Variants in C3 observed in about 807,000 individuals in gnomAD.
C3 encodes the protein complement C3, also known as C3 and PZP-like alpha-2-macroglobulin domain-containing protein 1.
In C3, 97 loss-of-function variants were observed where a neutral mutation model predicts 207.9. The observed-to-expected ratio is 0.47, with a 90% CI of 0.40 to 0.55. The LOEUF is 0.55. Ranked by LOEUF, C3 falls within the 20% of genes least tolerant of loss-of-function variation. The pLI is 0.00. For synonymous variants in C3, 848 were observed against 857.6 expected, an observed-to-expected ratio of 0.99 and a Z score of 0.20; for missense variants, 1,684 against 2,171.7, an observed-to-expected ratio of 0.78 and a Z score of 4.46.
intron 26 of C3, among the ~76,000 whole-genome samples, chr19:6,691,410 C>T (rs406114): frequency 0.021 from 3,121 of 152,024 alleles, 94 homozygotes; most frequent in African/African-American, 0.071. Context: ...GACATCGCAG[C>T]GATAATGAAC....
chr19:6,711,277 G>T, intron 11 of C3, 81 bp from the exon 12 acceptor site: 1 of 1,188,526 alleles, frequency 8.4e-7, no homozygotes, highest in Non-Finnish European at 1.2e-6. Flanking sequence ...GGAATTGGTG[G>T]CCTTTCTTAA....
chr19:6,714,131 G>A (rs765050296), intron 6 of C3, 35 bp downstream of exon 6: 25 of 1,608,126 alleles, frequency 1.6e-5, no homozygotes, highest in East Asian at 4.5e-5. Context: ...CAGGCGTTCT[G>A]GGCACTGACT....
chr19:6,677,808 C>G lies in C3; in HGVS notation c.*74G>C, dbSNP rs1484278248. ...GAGGCGGCTGGGGATTTCAGCCTCT[C>G]CCTCTTGGCAAAGAACTCCAGACAC... is the stretch of plus-strand genomic sequence containing the variant. On this transcript the variant is annotated 3_prime_UTR_variant, in exon 41 of 41. Coordinates refer to ENST00000245907, the MANE Select transcript of C3 (RefSeq NM_000064.4). 2 of 1,585,816 alleles carry G rather than the reference C, an allele frequency of 1.3e-6. No homozygotes were observed. Among genetic ancestry groups the G allele is most frequent in the Non-Finnish European group, 8.6e-7 (1 of 1,159,670 alleles).
chr19:6,679,605 G>A, intron 36 of C3, 109 bp from the exon 37 acceptor site: 1 of 794,360 alleles, frequency 1.3e-6, no homozygotes, highest in Non-Finnish European at 2.3e-6. Context: ...GAGATGCTAG[G>A]TCTTCAACCC....
chr19:6,697,099 A>C (rs1967555697), intron 21 of C3, among the ~76,000 whole-genome samples: 1 of 151,050 alleles, frequency 6.6e-6, no homozygotes, highest in Non-Finnish European at 1.5e-5. Context: ...GAGTATAAAA[A>C]AATTATTGAT....
chr19:6,713,938 T>G, intron 7 of C3, 54 bp downstream of exon 7: 2 of 918,682 alleles, frequency 2.2e-6, no homozygotes, highest in Non-Finnish European at 3.2e-6. Context: ...CCCCACCTGG[T>G]CTTCACCTGG....
intron 25 of C3, 135 bp from the exon 26 acceptor site, chr19:6,693,218 A>T: frequency 8.4e-7 from 1 of 1,184,674 alleles, no homozygotes. Context: ...CCCAGGACCC[A>T]GCTGTTGTAT....
intron 6 of C3, 36 bp downstream of exon 6, chr19:6,714,130 T>C (rs373666348): frequency 6.2e-7 from 1 of 1,610,598 alleles, no homozygotes; most frequent in Non-Finnish European, 8.5e-7. Context: ...CCAGGCGTTC[T>C]GGGCACTGAC....
At chr19:6,707,721 GT>G (rs879795235) in intron 15 of C3, 78 bp downstream of exon 15, 8 of 1,598,936 alleles carry the variant, frequency 5.0e-6, no homozygotes, top group Non-Finnish European at 6.8e-6. Flanking sequence ...CAGGCCCCCG[GT>G]TTCCAGAGCT....
intron 19 of C3, among the ~76,000 whole-genome samples, chr19:6,699,647 CAAA>C (rs10596077): frequency 2.7e-5 from 4 of 147,472 alleles, no homozygotes; most frequent in Admixed American, 1.3e-4. Context: ...GCTCCTGTAT[CAAA>C]AAAAAAAAAG....
At position 6,679,434 on chromosome 19, in the gene C3, G is replaced by A. The variant is rs1455241589; in HGVS notation, c.4519C>T (p.Arg1507Cys). 4 of 1,613,790 alleles carry A rather than the reference G, an allele frequency of 2.5e-6. No homozygotes were observed. The highest frequency in any genetic ancestry group is 2.7e-5 in the African/African-American group (2 of 74,902). The change falls in exon 37 of 41, where the codon CGT becomes TGT. Residue 1507 changes from arginine (R) to cysteine (C), a missense_variant. Physicochemically the swap from Arg to Cys is radical, Grantham distance 180. This residue lies in a region of C3 where 346 missense variants were observed against 380.1 expected (regional missense o/e 0.91). Transcript: ENST00000245907. ...KEDGKLNKLC[R>C]DELCRCAEEN... is the part of the protein sequence containing the mutation. ...TCAGCACAGCGGCACAGTTCATCAC[G>A]GCAGAGCTTGTTCAGCTTTCCATCC...
chr19:6,719,138 A>C lies in C3; in HGVS notation c.267+73T>G, dbSNP rs1278356505. The C allele has an allele frequency of 5.1e-6, 6 of 1,178,148 alleles. No individual in the cohort carries two copies. In the African/African-American group the frequency reaches 7.5e-5, roughly 15 times the overall value. 73.0% of individuals were successfully genotyped at this position (1,178,148 alleles called of 1,614,324 possible). A position where few individuals can be genotyped will look rare whatever the true frequency, so the allele number is the denominator to read the frequency against. ...TTAGAAAGGGAGAAGACAGAAGGGG[A>C]GGGGCTCAGGAGGAGGGGGGGAGTG... is the stretch of plus-strand genomic sequence containing the variant. On this transcript the variant is annotated intron_variant, in intron 2 of 40. Transcript: ENST00000245907. This position sits in a 1 kb window ranked among gnomAD's most constrained non-coding sequence, Gnocchi z 5.4.
At chr19:6,685,380 TC>T (rs11569539) in intron 29 of C3, among the ~76,000 whole-genome samples, 2 of 151,986 alleles carry the variant, frequency 1.3e-5, no homozygotes, top group African/African-American at 4.8e-5. Flanking sequence ...ATGTCTAGAA[TC>T]CATCAGAAAG....
chr19:6,680,762 G>A (rs1300559019), intron 35 of C3, among the ~76,000 whole-genome samples: 1 of 152,158 alleles, frequency 6.6e-6, no homozygotes, highest in Admixed American at 6.5e-5. Flanking sequence ...TGACTAAAAT[G>A]GGATTGAGGG....
At position 6,697,449 on chromosome 19, in the gene C3, T is replaced by C; in HGVS notation, c.2691A>G (p.Pro897=). The change falls in exon 21 of 41, where the codon CCA becomes CCG. Residue 897 remains proline, a synonymous_variant. Transcript: ENST00000245907. The part of the protein sequence containing the change: ...TIPPKSSLSV[P]YVIVPLKTGL... ...CGGTCTTTAGCGGCACGATGACATA[T>C]GGAACGGACAACGAGGACTTGGGGG... 2 of 1,613,670 alleles carry C rather than the reference T, an allele frequency of 1.2e-6. No homozygotes were observed. The highest frequency in any genetic ancestry group is 1.7e-6 in the Non-Finnish European group (2 of 1,179,956).
At chr19:6,713,774 AC>A (rs1196063312) in intron 7 of C3, 28 of 85,910 alleles carry the variant, frequency 3.3e-4, no homozygotes, top group Middle Eastern at 7.3e-3. Flanking sequence ...ACCTGACTCC[AC>A]CCCCCAGCCC....
At chr19:6,707,742 G>A in intron 15 of C3, 58 bp downstream of exon 15, 1 of 1,607,706 alleles carries the variant, frequency 6.2e-7, no homozygotes, top group Non-Finnish European at 8.5e-7. Context: ...TCTGCTCCCA[G>A]CATCTGGGAG....
At chr19:6,680,308 G>C in intron 35 of C3, 45 bp from the exon 36 acceptor site, 1 of 1,013,340 alleles carries the variant, frequency 9.9e-7, no homozygotes, top group Non-Finnish European at 1.6e-6. Flanking sequence ...ATGTGGGAGG[G>C]AGTCCAGCAT....
chr19:6,718,155 C>T lies in C3; in HGVS notation c.443G>A (p.Arg148Gln), dbSNP rs886054657. The T allele has an allele frequency of 4.3e-6, 7 of 1,613,966 alleles. No individual in the cohort carries two copies. Among genetic ancestry groups the T allele is most frequent in the African/African-American group, 1.3e-5 (1 of 74,868 alleles). Reference protein sequence around the residue: ...IYTPGSTVLYRIFTVNHKLLP... With the variant: ...IYTPGSTVLYQIFTVNHKLLP... ...CAGCTTGTGGTTGACGGTGAAGATCCGATAGAGAACTGGGGAGAGACAAAG... is the reference window on the plus strand; with the variant it reads ...CAGCTTGTGGTTGACGGTGAAGATCTGATAGAGAACTGGGGAGAGACAAAG... Residue 148 changes from arginine to glutamine, a missense_variant, in exon 4 of 41, where the codon CGG becomes CAG. Coordinates refer to ENST00000245907, the MANE Select transcript of C3 (RefSeq NM_000064.4).
Sources: gnomAD v4.1 joint callset for allele counts (sites outside exome capture counted in the v4.1 genomes callset) on GRCh38, gnomAD v4.1.1 for gene constraint, gnomAD v4.1.1 regional missense constraint, Gnocchi (gnomAD v3.1) non-coding constraint, MANE v1.5 for transcripts, NCBI Gene and HGNC (gene_info 2026-07-23, HGNC 2026-07-21) for gene names.